Variants in MBNL2 observed in about 807,000 individuals in gnomAD.
MBNL2 encodes muscleblind-like protein 2.
A neutral mutation model predicts 41.9 loss-of-function variants in MBNL2; 17 were observed. The observed-to-expected ratio is 0.41, with a 90% CI of 0.28 to 0.61. The LOEUF (loss-of-function observed/expected upper bound fraction) is 0.61. Among genes scored for constraint, MBNL2 ranks in the 20% least tolerant of loss-of-function variants. The pLI is 0.35. For synonymous variants in MBNL2, 195 were observed against 182.9 expected, an observed-to-expected ratio of 1.07 and a Z score of -0.53; for missense variants, 336 against 505.6, an observed-to-expected ratio of 0.66 and a Z score of 3.22.
At chr13:97,253,184 CA>C (rs2046890422) in intron 1 of MBNL2, among the ~76,000 whole-genome samples, 1 of 152,148 alleles carries the variant, frequency 6.6e-6, no homozygotes, top group South Asian at 2.1e-4. Flanking sequence ...ATAGAAAATA[CA>C]AATTGATATA....
At chr13:97,253,738 G>A (rs576414856) in intron 1 of MBNL2, among the ~76,000 whole-genome samples, 1 of 152,020 alleles carries the variant, frequency 6.6e-6, no homozygotes, top group South Asian at 2.1e-4. Context: ...ATTTGAGACA[G>A]TAACATTGTA....
intron 1 of MBNL2, among the ~76,000 whole-genome samples, chr13:97,230,734 A>G (rs1307653214): frequency 6.6e-6 from 1 of 152,250 alleles, no homozygotes; most frequent in South Asian, 2.1e-4. Flanking sequence ...CCAGGATTCC[A>G]TAAGAAAACA....
Position 97,393,244 on chromosome 13 carries a change from C to G in MBNL2, c.*1795C>G, listed in dbSNP as rs923182377. ...ACAATGTAGTTACGCTACAACTTGC[C>G]TAAAACATTCAAACTTGTTTTCTTT... On this transcript the variant is annotated 3_prime_UTR_variant, in exon 9 of 9. Transcript: ENST00000679496. The G allele has an allele frequency of 3.3e-5, 5 of 152,460 alleles. No individual in the cohort carries two copies. The highest frequency in any genetic ancestry group is 7.4e-5 in the Non-Finnish European group (5 of 67,872). The allele number at this position is 152,460 out of a possible 1,614,324, so 9.4% of individuals were successfully genotyped here. A position where few individuals can be genotyped will look rare whatever the true frequency, so the allele number is the denominator to read the frequency against.
chr13:97,164,990 G>C, the MBNL2 span, among the ~76,000 whole-genome samples: 1 of 152,180 alleles, frequency 6.6e-6, no homozygotes, highest in Non-Finnish European at 1.5e-5. Flanking sequence ...GATCACTTGC[G>C]GTCAGGAGTT....
the MBNL2 span, among the ~76,000 whole-genome samples, chr13:97,196,661 G>A: frequency 0.012 from 1,831 of 152,244 alleles, 38 homozygotes; most frequent in African/African-American, 0.042. Context: ...GAAGAAAAAT[G>A]TCTTCCTCCT....
intron 1 of MBNL2, among the ~76,000 whole-genome samples, chr13:97,249,819 T>G (rs1305351834): frequency 6.6e-6 from 1 of 152,230 alleles, no homozygotes; most frequent in Non-Finnish European, 1.5e-5. Context: ...GTTTCCCCCC[T>G]CAAAGTTCTA....
chr13:97,322,635 C>T (rs181679914), intron 2 of MBNL2, among the ~76,000 whole-genome samples: 25 of 152,152 alleles, frequency 1.6e-4, no homozygotes, highest in Non-Finnish European at 2.6e-4. Flanking sequence ...TTGCTGAAAA[C>T]GAAGGAACTC....
intron 8 of MBNL2, among the ~76,000 whole-genome samples, chr13:97,378,088 C>T (rs147039781): frequency 1.4e-3 from 197 of 145,922 alleles, no homozygotes; most frequent in African/African-American, 5.4e-3. Flanking sequence ...TGTGCCTTTT[C>T]AACATATTCA....
the MBNL2 span, among the ~76,000 whole-genome samples, chr13:97,196,447 A>T: frequency 6.6e-6 from 1 of 152,170 alleles, no homozygotes; most frequent in Non-Finnish European, 1.5e-5. Flanking sequence ...ACAGACGGCT[A>T]TTTAGAGGTG....
At chr13:97,282,087 C>T (rs1341353873) in intron 2 of MBNL2, among the ~76,000 whole-genome samples, 2 of 151,766 alleles carry the variant, frequency 1.3e-5, no homozygotes, top group African/African-American at 4.8e-5. Flanking sequence ...TGCAGTGGCT[C>T]ACACCTGTAG....
intron 8 of MBNL2, among the ~76,000 whole-genome samples, chr13:97,383,903 A>ATTT (rs201404646): frequency 1.4e-5 from 2 of 145,554 alleles, no homozygotes; most frequent in Admixed American, 6.9e-5. Flanking sequence ...TATATAATTA[A>ATTT]TTTTTTTTTT....
intron 1 of MBNL2, among the ~76,000 whole-genome samples, chr13:97,229,892 T>G (rs1480017424): frequency 6.6e-6 from 1 of 152,294 alleles, no homozygotes. Context: ...ACTTTCACAA[T>G]ATTCCAGGTA....
chr13:97,276,297 A>G lies in MBNL2; in HGVS notation c.62A>G (p.Gln21Arg), dbSNP rs1343438024. 1 of 1,613,882 alleles carries G rather than the reference A, an allele frequency of 6.2e-7. No individual in the cohort carries two copies. The highest frequency in any genetic ancestry group is 1.3e-5 in the African/African-American group (1 of 74,948). Residue 21 changes from glutamine (Q) to arginine (R), a missense_variant, in exon 2 of 9, where the codon CAG (glutamine) becomes CGG (arginine). Transcript: ENST00000679496. ...TKWLTLEVCR[Q>R]FQRGTCSRSD... ...TGGCTGACATTAGAAGTCTGCAGACAGTTTCAAAGAGGAACATGCTCACGC... is the reference window on the plus strand; with the variant it reads ...TGGCTGACATTAGAAGTCTGCAGACGGTTTCAAAGAGGAACATGCTCACGC...
At chr13:97,174,618 A>G in the MBNL2 span, among the ~76,000 whole-genome samples, 1 of 152,204 alleles carries the variant, frequency 6.6e-6, no homozygotes, top group Non-Finnish European at 1.5e-5. Context: ...CTGAGGGATC[A>G]AAGGCAAATA....
At chr13:97,219,111 A>G (rs2040653023), upstream of MBNL2, among the ~76,000 whole-genome samples, 1 of 152,214 alleles carries the variant, frequency 6.6e-6, no homozygotes, top group Admixed American at 6.5e-5. Context: ...AGAAAAGCAG[A>G]ATTTCAGTAT....
At chr13:97,224,446 G>T (rs1260710518) in intron 1 of MBNL2, among the ~76,000 whole-genome samples, 15 of 152,098 alleles carry the variant, frequency 9.9e-5, no homozygotes, top group Admixed American at 6.5e-5. Flanking sequence ...TTTTAAAAAA[G>T]ATTTTGACTG....
At chr13:97,323,585 G>A (rs536714230) in intron 2 of MBNL2, among the ~76,000 whole-genome samples, 56 of 152,106 alleles carry the variant, frequency 3.7e-4, no homozygotes, top group Non-Finnish European at 7.2e-4. Flanking sequence ...GCAAATACTA[G>A]GCCGTTGTAT....
At chr13:97,144,423 C>CTTTTTTGTT in the MBNL2 span, among the ~76,000 whole-genome samples, 1 of 118,108 alleles carries the variant, frequency 8.5e-6, no homozygotes, top group Non-Finnish European at 1.6e-5. Flanking sequence ...CATGATACTT[C>CTTTTTTGTT]TTTTTTTTTT....
intron 1 of MBNL2, among the ~76,000 whole-genome samples, chr13:97,251,723 A>C (rs575672774): frequency 6.6e-6 from 1 of 151,354 alleles, no homozygotes; most frequent in African/African-American, 2.4e-5. Context: ...GAGCAAGTTG[A>C]GTTTATAAAT....
Sources: allele counts gnomAD v4.1 joint callset (sites outside exome capture counted in the v4.1 genomes callset), GRCh38; gene constraint gnomAD v4.1.1; transcripts MANE v1.5; gene names NCBI Gene and HGNC (gene_info 2026-07-23, HGNC 2026-07-21).